GUCY2F: variants seen among roughly 807,000 people sequenced by gnomAD.
GUCY2F encodes the protein retinal guanylyl cyclase 2.
Under a neutral mutation model 73.1 loss-of-function variants are expected in GUCY2F, and 61 were observed. The observed-to-expected ratio is 0.83, with a 90% CI of 0.68 to 1.03. The LOEUF (loss-of-function observed/expected upper bound fraction) is 1.03, where lower values mean the gene tolerates loss of function less well. Ranked by LOEUF, GUCY2F falls within the 50% of genes least tolerant of loss-of-function variation. The probability of loss-of-function intolerance (pLI) is 0.00; values close to 1 mark genes in which losing one functional copy is unlikely to be tolerated. For missense variants in GUCY2F, 912 were observed against 854.3 expected (o/e 1.07, Z -0.84); for synonymous variants, 331 against 307.8 (o/e 1.08, Z -0.79).
At chrX:109,450,338 A>C (rs931803654) in intron 5 of GUCY2F, among the ~76,000 whole-genome samples, 4 of 110,976 alleles carry the variant, frequency 3.6e-5, no homozygotes, top group African/African-American at 1.3e-4. Context: ...AGAATTGCAG[A>C]CTAGGCTCAC....
At chrX:109,466,593 A>G (rs1932474325) in intron 2 of GUCY2F, among the ~76,000 whole-genome samples, 1 of 111,785 alleles carries the variant, frequency 8.9e-6, no homozygotes, top group African/African-American at 3.3e-5. Flanking sequence ...GTTTAAGCCC[A>G]CTTGTGCTTC....
chrX:109,464,647 T>C (rs1165053581), intron 3 of GUCY2F, among the ~76,000 whole-genome samples: 1 of 112,729 alleles, frequency 8.9e-6, no homozygotes, highest in Non-Finnish European at 1.9e-5. Flanking sequence ...GGTCCAGCAA[T>C]GCCATTGGCC....
At chrX:109,451,963 G>A in intron 5 of GUCY2F, 60 bp downstream of exon 5, 11 of 622,280 alleles carry the variant, frequency 1.8e-5, no homozygotes, top group East Asian at 3.3e-5. Context: ...CTGGAAATCA[G>A]TATTAACAAG....
At chrX:109,474,671 G>A (rs1932646312) in intron 2 of GUCY2F, among the ~76,000 whole-genome samples, 1 of 111,989 alleles carries the variant, frequency 8.9e-6, no homozygotes, top group Non-Finnish European at 1.9e-5. Context: ...GCTGCAAAAA[G>A]AAAAGCCCTG....
At position 109,396,349 on chromosome X, in the gene GUCY2F, GAA is replaced by G. The variant is rs142080328; in HGVS notation, c.2276-862_2276-861del. On this transcript the variant is annotated intron_variant, in intron 11 of 19. Coordinates refer to ENST00000218006, the MANE Select transcript of GUCY2F (RefSeq NM_001522.3). ...CAAAAAGAAAACTCCCTGGCAGCAG[GAA>G]AAAAAAAAAAATCATTATCTCTCAA... Among the ~76,000 whole-genome samples, 205 of 101,672 alleles carry G rather than the reference GAA, an allele frequency of 2.0e-3. 4 individuals carry two copies. In the East Asian group the frequency reaches 0.052, roughly 26 times the overall value. The allele number at this position is 101,672 out of a possible 115,157, so 88.3% of individuals were successfully genotyped here. A position where few individuals can be genotyped will look rare whatever the true frequency, so the allele number is the denominator to read the frequency against.
intron 10 of GUCY2F, 67 bp from the exon 11 acceptor site, chrX:109,398,765 G>C (rs915138124): frequency 2.1e-6 from 2 of 964,887 alleles, no homozygotes; most frequent in Admixed American, 4.9e-5. Context: ...ATGCCCTCAA[G>C]GGCTCAGAGG....
At chrX:109,409,815 C>T (rs771606998) in intron 8 of GUCY2F, among the ~76,000 whole-genome samples, 15 of 111,767 alleles carry the variant, frequency 1.3e-4, no homozygotes, top group African/African-American at 4.9e-4. Context: ...CCTTCACCCT[C>T]CCCTATGATT....
chrX:109,459,411 G>A (rs2300116), intron 3 of GUCY2F, among the ~76,000 whole-genome samples: 4,657 of 110,768 alleles, frequency 0.042, 202 homozygotes, highest in African/African-American at 0.13. Context: ...AAAGAGCGAG[G>A]GCTCTTTGAA....
intron 8 of GUCY2F, among the ~76,000 whole-genome samples, chrX:109,417,647 A>AT (rs1931276480): frequency 1.8e-5 from 2 of 111,437 alleles, no homozygotes; most frequent in Non-Finnish European, 3.8e-5. Flanking sequence ...TAACTGTATC[A>AT]ATAAGTGCCT....
At position 109,475,670 on chromosome X, in the gene GUCY2F, A is replaced by T. The variant is rs768008490; in HGVS notation, c.267T>A (p.Phe89Leu). 17 of 1,211,306 alleles carry T rather than the reference A, an allele frequency of 1.4e-5. No individual in the cohort carries two copies. In the Admixed American group the frequency reaches 3.7e-4, roughly 26 times the overall value. Reference protein sequence around the residue: ...AIERINRDPSFDLSYSFEYVI... With the variant: ...AIERINRDPSLDLSYSFEYVI... ...CGTATTCAAAAGAATAACTCAGGTC[A>T]AAAGATGGGTCCCGGTTGATTCGCT... The change falls in exon 2 of 20, where the codon TTT (phenylalanine) becomes TTA (leucine). Residue 89 changes from phenylalanine (F) to leucine (L), a missense_variant. By Grantham distance (22) the Phe-to-Leu change is conservative. Coordinates refer to ENST00000218006, the MANE Select transcript of GUCY2F (RefSeq NM_001522.3).
intron 5 of GUCY2F, 79 bp downstream of exon 5, chrX:109,451,944 C>T: frequency 1.7e-6 from 1 of 585,038 alleles, no homozygotes; most frequent in Non-Finnish European, 2.9e-6. Context: ...TGTACCGAAA[C>T]AGGACTTCCT....
intron 3 of GUCY2F, among the ~76,000 whole-genome samples, chrX:109,457,124 T>C (rs906706449): frequency 2.7e-5 from 3 of 112,101 alleles, no homozygotes; most frequent in African/African-American, 9.7e-5. Flanking sequence ...CTGAAAGAAT[T>C]AGTTATGAAT....
chrX:109,474,510 C>A (rs1411583448), intron 2 of GUCY2F, among the ~76,000 whole-genome samples: 1 of 112,134 alleles, frequency 8.9e-6, no homozygotes, highest in Non-Finnish European at 1.9e-5. Flanking sequence ...GGGTCAAGTC[C>A]TTTGCTTCAC....
intron 13 of GUCY2F, among the ~76,000 whole-genome samples, 159 bp downstream of exon 13, chrX:109,392,733 T>C (rs1350022951): frequency 1.8e-5 from 2 of 111,766 alleles, no homozygotes; most frequent in Non-Finnish European, 3.8e-5. Context: ...CCAATTTTAC[T>C]TTGATTTAAA....
chrX:109,475,066 G>T lies in GUCY2F; in HGVS notation c.730+141C>A, dbSNP rs1006975510. The stretch of plus-strand genomic sequence containing the variant: ...TTGAAGCAGGGCAGTCTTGGGACCT[G>T]TGTGTGAGTGAAAAAGGGCAAATGT... On this transcript the variant is annotated intron_variant, in intron 2 of 19. Coordinates refer to ENST00000218006, the MANE Select transcript of GUCY2F (RefSeq NM_001522.3). 1.1e-5 allele frequency: 6 copies of T among 554,997 alleles called. No individual in the cohort carries two copies. In the African/African-American group the frequency reaches 1.4e-4, roughly 13 times the overall value. The allele number at this position is 554,997 out of a possible 1,213,427, so 45.7% of individuals were successfully genotyped here. A position where few individuals can be genotyped will look rare whatever the true frequency, so the allele number is the denominator to read the frequency against.
chrX:109,441,913 C>T (rs764216868), intron 6 of GUCY2F, among the ~76,000 whole-genome samples: 2 of 111,644 alleles, frequency 1.8e-5, no homozygotes, highest in Non-Finnish European at 3.8e-5. Flanking sequence ...CTATAGCAGA[C>T]CTAGGACAGC....
At chrX:109,393,388 A>G (rs769544135) in intron 12 of GUCY2F, among the ~76,000 whole-genome samples, 1 of 110,170 alleles carries the variant, frequency 9.1e-6, no homozygotes, top group South Asian at 4.0e-4. Context: ...AGACAACAGG[A>G]TTTGGTCTTG....
At chrX:109,454,037 G>GT (rs112933565) in intron 3 of GUCY2F, among the ~76,000 whole-genome samples, 178 bp from the exon 4 acceptor site, 1,641 of 108,309 alleles carry the variant, frequency 0.015, 22 homozygotes, top group East Asian at 0.049. Flanking sequence ...GAATTTTTCT[G>GT]TTTTTTTTTC....
intron 8 of GUCY2F, among the ~76,000 whole-genome samples, chrX:109,420,834 T>TTGTA (rs1670133900): frequency 8.9e-6 from 1 of 111,952 alleles, no homozygotes; most frequent in Admixed American, 9.5e-5. Flanking sequence ...GCAACTGGAA[T>TTGTA]ATTTCCGATG....
Sources: allele counts gnomAD v4.1 joint callset (sites outside exome capture counted in the v4.1 genomes callset), GRCh38; gene constraint gnomAD v4.1.1; transcripts MANE v1.5; gene names NCBI Gene and HGNC (gene_info 2026-07-23, HGNC 2026-07-21).